Variants in SLX4IP observed in about 807,000 individuals in gnomAD.
The protein encoded by SLX4IP is protein SLX4IP.
Under a neutral mutation model 32.9 loss-of-function variants are expected in SLX4IP, and 34 were observed. That is an observed-to-expected ratio of 1.03 (90% CI 0.79 to 1.38). The LOEUF is 1.38. Ranked by LOEUF, SLX4IP falls within the 40% of genes most tolerant of loss-of-function variation. The pLI is 0.00. For missense variants in SLX4IP, 444 were observed against 479.0 expected (o/e 0.93, Z 0.68); for synonymous variants, 172 against 171.7 (o/e 1.00, Z -0.01).
At chr20:10,457,314 T>G (rs1410033750) in intron 1 of SLX4IP, among the ~76,000 whole-genome samples, 1 of 152,110 alleles carries the variant, frequency 6.6e-6, no homozygotes, top group Non-Finnish European at 1.5e-5. Flanking sequence ...GGAGAAAACA[T>G]TTAGTCTTCA....
At chr20:10,541,857 G>T (rs1003436297) in intron 2 of SLX4IP, among the ~76,000 whole-genome samples, 1 of 152,184 alleles carries the variant, frequency 6.6e-6, no homozygotes, top group African/African-American at 2.4e-5. Flanking sequence ...ATTCAGAGAG[G>T]CTGAGAAACT....
Position 10,507,616 on chromosome 20 carries a change from G to A in SLX4IP, c.28-48615G>A, listed in dbSNP as rs138540950. Among the ~76,000 whole-genome samples, 224 of 152,186 alleles carry A rather than the reference G, an allele frequency of 1.5e-3. 1 individual carries two copies. The highest frequency in any genetic ancestry group is 4.9e-3 in the African/African-American group (204 of 41,520). ...TGGTTTACCACTGCATCCTAGCAGT[G>A]CAACAAATACTAGGCCCAGGAAAGC... On this transcript the variant is annotated intron_variant, in intron 2 of 7. Coordinates refer to ENST00000334534, the MANE Select transcript of SLX4IP (RefSeq NM_001009608.3).
chr20:10,547,305 T>C (rs2066172366), intron 2 of SLX4IP, among the ~76,000 whole-genome samples: 1 of 151,946 alleles, frequency 6.6e-6, no homozygotes, highest in Admixed American at 6.6e-5. Context: ...CTTTGTAGAA[T>C]CCTTCCCCAA....
chr20:10,535,727 G>C (rs992690322), intron 2 of SLX4IP, among the ~76,000 whole-genome samples: 5 of 152,204 alleles, frequency 3.3e-5, no homozygotes, highest in Admixed American at 1.3e-4. Flanking sequence ...GGAACTACCT[G>C]TGTTGCATGC....
At chr20:10,457,446 T>G (rs1387111287) in intron 1 of SLX4IP, among the ~76,000 whole-genome samples, 1 of 150,520 alleles carries the variant, frequency 6.6e-6, no homozygotes, top group Non-Finnish European at 1.5e-5. Context: ...ATTTTGGGTT[T>G]TTTTTTTTTG....
At chr20:10,550,989 G>C (rs2066212938) in intron 2 of SLX4IP, among the ~76,000 whole-genome samples, 1 of 152,222 alleles carries the variant, frequency 6.6e-6, no homozygotes, top group African/African-American at 2.4e-5. Context: ...AGGTGTTTCA[G>C]ATGATCAATG....
intron 6 of SLX4IP, chr20:10,613,765 G>A: frequency 6.2e-7 from 1 of 1,613,698 alleles, no homozygotes; most frequent in South Asian, 1.1e-5. Context: ...TCTGTGTACT[G>A]CACGCAAAGC....
At chr20:10,604,740 G>T (rs970026278) in intron 6 of SLX4IP, among the ~76,000 whole-genome samples, 15 of 152,224 alleles carry the variant, frequency 9.9e-5, no homozygotes, top group Admixed American at 5.9e-4. Context: ...CAATAGCTCT[G>T]CACAGAGTGC....
chr20:10,588,529 A>G (rs1386701399), intron 4 of SLX4IP, among the ~76,000 whole-genome samples: 1 of 152,204 alleles, frequency 6.6e-6, no homozygotes, highest in Non-Finnish European at 1.5e-5. Flanking sequence ...TGAAACTAGC[A>G]TCTTTAAAAA....
intron 2 of SLX4IP, among the ~76,000 whole-genome samples, chr20:10,469,331 TC>T (rs1362765030): frequency 2.0e-5 from 3 of 152,092 alleles, no homozygotes; most frequent in African/African-American, 7.2e-5. Context: ...AAAAAAAAAA[TC>T]ATCTCAACCT....
intron 5 of SLX4IP, among the ~76,000 whole-genome samples, chr20:10,600,259 T>C (rs1297337208): frequency 6.6e-6 from 1 of 152,102 alleles, no homozygotes; most frequent in Non-Finnish European, 1.5e-5. Context: ...GGGGTCAAAG[T>C]TGAAAAAAAC....
chr20:10,463,205 A>G (rs982983022), intron 2 of SLX4IP, among the ~76,000 whole-genome samples: 2 of 152,220 alleles, frequency 1.3e-5, no homozygotes, highest in African/African-American at 4.8e-5. Flanking sequence ...TAACTTGTAA[A>G]TGATTCTCTT....
chr20:10,592,985 A>G (rs1420301406), intron 4 of SLX4IP, among the ~76,000 whole-genome samples: 1 of 152,172 alleles, frequency 6.6e-6, no homozygotes, highest in East Asian at 1.9e-4. Context: ...TACCCAAGAT[A>G]CTGTCAGTAC....
intron 6 of SLX4IP, among the ~76,000 whole-genome samples, chr20:10,617,975 C>G (rs547470330): frequency 6.6e-6 from 1 of 152,312 alleles, no homozygotes; most frequent in Admixed American, 6.5e-5. Context: ...TCAGCCTGTT[C>G]TCTGATTAGA....
At chr20:10,443,522 C>T (rs1191949336) in intron 1 of SLX4IP, among the ~76,000 whole-genome samples, 1 of 152,108 alleles carries the variant, frequency 6.6e-6, no homozygotes, top group Non-Finnish European at 1.5e-5. Context: ...TAACTCAACT[C>T]GCTTTAGGAG....
At chr20:10,550,141 C>T (rs1017392334) in intron 2 of SLX4IP, among the ~76,000 whole-genome samples, 1 of 152,140 alleles carries the variant, frequency 6.6e-6, no homozygotes, top group African/African-American at 2.4e-5. Flanking sequence ...AATCTCAGAG[C>T]CAGATGTTGC....
rs1568738722 is a variant in SLX4IP at position 10,556,284 on chromosome 20, C to G, written c.81C>G (p.Asn27Lys). 3 of 1,613,104 alleles carry G rather than the reference C, an allele frequency of 1.9e-6. No homozygotes were observed. Among genetic ancestry groups the G allele is most frequent in the Non-Finnish European group, 1.7e-6 (2 of 1,179,742 alleles). ...VDLHILPQGS[N>K]KDTSWFSEQK... ...TTCATATCTTGCCACAAGGTTCAAA[C>G]AAAGATACAAGCTGGTTTTCTGAAC... Residue 27 changes from asparagine (N) to lysine (K), a missense_variant, in exon 3 of 8, where the codon AAC (asparagine) becomes AAG (lysine). By Grantham distance (94) the Asn-to-Lys change is moderately conservative (BLOSUM62 0). Transcript: ENST00000334534.
chr20:10,473,443 C>G (rs1031482298), intron 2 of SLX4IP, among the ~76,000 whole-genome samples: 2 of 152,140 alleles, frequency 1.3e-5, no homozygotes, highest in Non-Finnish European at 2.9e-5. Context: ...AAGTGTTTAG[C>G]ACAGTACCAA....
intron 1 of SLX4IP, among the ~76,000 whole-genome samples, chr20:10,439,434 T>G (rs931629488): frequency 1.3e-5 from 2 of 152,156 alleles, no homozygotes; most frequent in African/African-American, 2.4e-5. Flanking sequence ...TGTCTCAAAC[T>G]CCTGGACTCA....
Sources: gnomAD v4.1 joint callset for allele counts (sites outside exome capture counted in the v4.1 genomes callset) on GRCh38, gnomAD v4.1.1 for gene constraint, MANE v1.5 for transcripts, NCBI Gene and HGNC (gene_info 2026-07-23, HGNC 2026-07-21) for gene names.